DOCK4: variants seen among roughly 807,000 people sequenced by gnomAD.
DOCK4 encodes dedicator of cytokinesis protein 4.
A neutral mutation model predicts 268.1 loss-of-function variants in DOCK4; 97 were observed. That is an observed-to-expected ratio of 0.36 (90% confidence interval 0.31 to 0.43). The LOEUF (loss-of-function observed/expected upper bound fraction) is 0.43. Among genes scored for constraint, DOCK4 ranks in the 20% least tolerant of loss-of-function variants. DOCK4 has a pLI of 1.00. For synonymous variants in DOCK4, 954 were observed against 887.2 expected (o/e 1.08, Z -1.34); for missense variants, 2,145 against 2,455.7 (o/e 0.87, Z 2.67).
intron 23 of DOCK4, among the ~76,000 whole-genome samples, chr7:111,851,934 CCTCT>C (rs147425513): frequency 1.2e-4 from 17 of 144,720 alleles, no homozygotes; most frequent in East Asian, 6.1e-4. Flanking sequence ...TGTGAAAGTG[CCTCT>C]CTCTCTCTCT....
At chr7:112,153,809 T>C (rs1487354849) in intron 1 of DOCK4, among the ~76,000 whole-genome samples, 2 of 152,178 alleles carry the variant, frequency 1.3e-5, no homozygotes, top group South Asian at 2.1e-4. Flanking sequence ...AGCCCAGTTA[T>C]TGAATAAGCA....
At position 112,118,914 on chromosome 7, in the gene DOCK4, T is replaced by C. The variant is rs113047468; in HGVS notation, c.37+87188A>G. On this transcript the variant is annotated intron_variant, in intron 1 of 52. Transcript: ENST00000428084. ...AACTTCATTTTTCCCTAAATGTAGA[T>C]GTGCCTTTCCCTATAAGTCTGAATA... 3.8e-3 allele frequency among the ~76,000 whole-genome samples: 576 copies of C among 152,264 alleles called. 4 individuals are homozygous for C. Among genetic ancestry groups the C allele is most frequent in the African/African-American group, 0.013 (555 of 41,550 alleles).
At chr7:111,981,935 CA>C (rs1339014795) in intron 7 of DOCK4, among the ~76,000 whole-genome samples, 1 of 152,230 alleles carries the variant, frequency 6.6e-6, no homozygotes, top group East Asian at 1.9e-4. Flanking sequence ...ATGAAAAGAA[CA>C]GAGACAAAAT....
chr7:111,732,397 C>A, intron 51 of DOCK4, 110 bp from the exon 52 acceptor site: 1 of 1,103,870 alleles, frequency 9.1e-7, no homozygotes, highest in Non-Finnish European at 1.3e-6. Flanking sequence ...TGCATAAGGA[C>A]CTTCTAAGCA....
intron 26 of DOCK4, among the ~76,000 whole-genome samples, chr7:111,823,111 G>A (rs561729535): frequency 9.2e-5 from 14 of 151,904 alleles, no homozygotes; most frequent in Admixed American, 5.2e-4. Context: ...GATGCCATGC[G>A]AGATGGTAGT....
intron 1 of DOCK4, among the ~76,000 whole-genome samples, chr7:112,061,162 C>T (rs575367586): frequency 5.5e-4 from 84 of 152,254 alleles, no homozygotes; most frequent in Admixed American, 1.4e-3. Flanking sequence ...TCCCATAAAG[C>T]GATGAGGACC....
chr7:112,077,636 C>A (rs573521743), intron 1 of DOCK4, among the ~76,000 whole-genome samples: 47 of 152,100 alleles, frequency 3.1e-4, no homozygotes, highest in Non-Finnish European at 5.3e-4. Flanking sequence ...TAATAGATTA[C>A]CTTCACAGAG....
At chr7:111,904,831 T>C (rs1586323530) in intron 13 of DOCK4, among the ~76,000 whole-genome samples, 1 of 152,266 alleles carries the variant, frequency 6.6e-6, no homozygotes, top group Non-Finnish European at 1.5e-5. Context: ...GAGACAACAC[T>C]ACTTTGTTAT....
rs1371927597 is a variant in DOCK4 at position 111,995,309 on chromosome 7, G to T, written c.219-1078C>A. 2.0e-5 allele frequency among the ~76,000 whole-genome samples: 3 copies of T among 152,076 alleles called. No homozygotes were observed. The East Asian group carries it at 5.8e-4, about 29-fold the overall frequency. ...GCCTCCCAAAGTGCTGGGATTACCA[G>T]TGTGAGCCACCGCGCCTGGCTGAGA... On this transcript the variant is annotated intron_variant, in intron 4 of 52. Transcript: ENST00000428084.
chr7:112,148,492 C>A lies in DOCK4; in HGVS notation c.37+57610G>T, dbSNP rs1031842280. 3.3e-5 allele frequency among the ~76,000 whole-genome samples: 5 copies of A among 152,206 alleles called. No individual in the cohort carries two copies. In the East Asian group the frequency reaches 9.7e-4, roughly 29 times the overall value. On this transcript the variant is annotated intron_variant, in intron 1 of 52. Coordinates refer to ENST00000428084, the MANE Select transcript of DOCK4 (RefSeq NM_001363540.2). ...TTAAAAAGCAAAGTTCTGATAGAGT[C>A]GTTTTGTGCTTCTCCATTAATAACA...
chr7:112,133,596 C>T (rs964616957), intron 1 of DOCK4, among the ~76,000 whole-genome samples: 4 of 151,994 alleles, frequency 2.6e-5, no homozygotes, highest in Non-Finnish European at 5.9e-5. Context: ...TGGCGTGCAC[C>T]TGTAGTCCTC....
chr7:112,022,252 G>T (rs117164801), intron 1 of DOCK4, among the ~76,000 whole-genome samples: 3,339 of 152,326 alleles, frequency 0.022, 62 homozygotes, highest in South Asian at 0.041. Flanking sequence ...TGAGCCAGAA[G>T]TATCCACAAA....
chr7:112,152,674 C>T (rs542441104), intron 1 of DOCK4, among the ~76,000 whole-genome samples: 2 of 152,130 alleles, frequency 1.3e-5, no homozygotes, highest in East Asian at 1.9e-4. Context: ...TTTGTAGCGA[C>T]GGGGGTCTTG....
chr7:112,059,134 C>CTTTTTTTTTTTTTTTTTTT (rs572050793), intron 1 of DOCK4, among the ~76,000 whole-genome samples: 2 of 98,998 alleles, frequency 2.0e-5, no homozygotes, highest in African/African-American at 1.0e-4. Flanking sequence ...GCAGCATTTC[C>CTTTTTTTTTTTTTTTTTTT]TTTTTTTTTT....
chr7:111,916,085 T>C (rs1792561122), intron 12 of DOCK4, among the ~76,000 whole-genome samples, 181 bp from the exon 13 acceptor site: 1 of 152,170 alleles, frequency 6.6e-6, no homozygotes, highest in Non-Finnish European at 1.5e-5. Flanking sequence ...AACTTCAACA[T>C]CTGAGTTTCC....
At chr7:111,847,322 C>T (rs1447770326) in intron 23 of DOCK4, among the ~76,000 whole-genome samples, 196 bp from the exon 24 acceptor site, 3 of 152,184 alleles carry the variant, frequency 2.0e-5, no homozygotes, top group African/African-American at 4.8e-5. Flanking sequence ...CCTCAGGAGG[C>T]CTTTGACACT....
intron 1 of DOCK4, among the ~76,000 whole-genome samples, chr7:112,162,286 C>T (rs1316955287): frequency 6.6e-6 from 1 of 152,006 alleles, no homozygotes; most frequent in Non-Finnish European, 1.5e-5. Flanking sequence ...TGCAGAGCCT[C>T]CCCTCCTCCA....
chr7:112,129,947 A>C (rs1813647721), intron 1 of DOCK4, among the ~76,000 whole-genome samples: 1 of 152,158 alleles, frequency 6.6e-6, no homozygotes, highest in Admixed American at 6.5e-5. Context: ...ACATATCCAT[A>C]ATCTTGGGCT....
chr7:111,945,831 A>T, intron 8 of DOCK4, 33 bp from the exon 9 acceptor site: 1 of 1,492,196 alleles, frequency 6.7e-7, no homozygotes, highest in Non-Finnish European at 9.1e-7. Flanking sequence ...CAATTTGAAA[A>T]TTATTTAATA....
Sources: gnomAD v4.1 joint callset for allele counts (sites outside exome capture counted in the v4.1 genomes callset) on GRCh38, gnomAD v4.1.1 for gene constraint, MANE v1.5 for transcripts, NCBI Gene and HGNC (gene_info 2026-07-23, HGNC 2026-07-21) for gene names.